Variants in CDH13 observed in about 807,000 individuals in gnomAD.
CDH13 encodes cadherin 13.
Under a neutral mutation model 63.8 loss-of-function variants are expected in CDH13, and 24 were observed. The observed-to-expected ratio is 0.38, with a 90% confidence interval of 0.27 to 0.53. The LOEUF is 0.53. Among genes scored for constraint, CDH13 ranks in the 20% least tolerant of loss-of-function variants. The pLI is 0.85. For missense variants in CDH13, 1,049 were observed against 903.1 expected, an observed-to-expected ratio of 1.16 and a Z score of -2.07; for synonymous variants, 503 against 355.3, an observed-to-expected ratio of 1.42 and a Z score of -4.67.
chr16:83,668,497 C>T (rs376534469), intron 8 of CDH13, among the ~76,000 whole-genome samples: 5 of 152,294 alleles, frequency 3.3e-5, no homozygotes, highest in Admixed American at 2.6e-4. Flanking sequence ...CATTTCATGC[C>T]CACATGATTG....
At position 82,782,753 on chromosome 16, in the gene CDH13, C is replaced by T. The variant is rs542967057; in HGVS notation, c.46-75609C>T. 3.3e-5 allele frequency among the ~76,000 whole-genome samples: 5 copies of T among 152,220 alleles called. No homozygotes were observed. The South Asian group carries it at 8.3e-4, about 25-fold the overall frequency. On this transcript the variant is annotated intron_variant, in intron 1 of 13. Transcript: ENST00000567109. The stretch of plus-strand genomic sequence containing the variant: ...TCACGACCAAGCACATGCTGGAATC[C>T]GGCCTTCTGTCTGCCTTACTCCCGC...
intron 6 of CDH13, among the ~76,000 whole-genome samples, chr16:83,353,317 G>C (rs534589381): frequency 2.0e-5 from 3 of 152,306 alleles, no homozygotes; most frequent in African/African-American, 7.2e-5. Flanking sequence ...CAAGACAGTC[G>C]GCTCCCTTGT....
chr16:83,273,574 C>T (rs921246318), intron 5 of CDH13, among the ~76,000 whole-genome samples: 1 of 152,112 alleles, frequency 6.6e-6, no homozygotes, highest in Admixed American at 6.5e-5. Context: ...TTCATGGCAA[C>T]ATGGATGGAG....
intron 3 of CDH13, among the ~76,000 whole-genome samples, chr16:83,097,906 A>T (rs902476915): frequency 1.3e-5 from 2 of 152,176 alleles, no homozygotes; most frequent in African/African-American, 4.8e-5. Context: ...CTTCTTACAA[A>T]AAATATCCAC....
At chr16:83,255,955 A>G (rs954675435) in intron 5 of CDH13, among the ~76,000 whole-genome samples, 2 of 152,180 alleles carry the variant, frequency 1.3e-5, no homozygotes, top group African/African-American at 4.8e-5. Flanking sequence ...TTATGGTCAA[A>G]TCTAAGAAGA....
chr16:83,030,511 C>T (rs1240496786), intron 2 of CDH13, among the ~76,000 whole-genome samples: 2 of 151,878 alleles, frequency 1.3e-5, no homozygotes, highest in Admixed American at 6.6e-5. Flanking sequence ...GGCATGATGG[C>T]ATGCATCTGT....
chr16:83,193,929 A>G (rs1170225285), intron 4 of CDH13, among the ~76,000 whole-genome samples: 1 of 152,212 alleles, frequency 6.6e-6, no homozygotes, highest in Non-Finnish European at 1.5e-5. Flanking sequence ...CCCAAAGCAG[A>G]CACTTAACTA....
intron 2 of CDH13, among the ~76,000 whole-genome samples, chr16:82,921,007 C>G (rs991257483): frequency 6.6e-6 from 1 of 152,056 alleles, no homozygotes; most frequent in African/African-American, 2.4e-5. Context: ...TTTTTGTCCT[C>G]TAGTCTATTA....
intron 2 of CDH13, among the ~76,000 whole-genome samples, chr16:82,979,817 A>T (rs559220017): frequency 6.6e-6 from 1 of 152,304 alleles, no homozygotes; most frequent in South Asian, 2.1e-4. Context: ...ATCAGAACAG[A>T]TTATCACTAA....
intron 1 of CDH13, among the ~76,000 whole-genome samples, chr16:82,849,814 T>C (rs1424618937): frequency 6.6e-6 from 1 of 152,208 alleles, no homozygotes; most frequent in Non-Finnish European, 1.5e-5. Flanking sequence ...GTGCTGAATC[T>C]ACTCTGCGTG....
intron 1 of CDH13, among the ~76,000 whole-genome samples, chr16:82,844,934 C>G (rs529285416): frequency 1.3e-5 from 2 of 151,912 alleles, no homozygotes; most frequent in African/African-American, 2.4e-5. Flanking sequence ...GGATTACAGG[C>G]GTGAGGCACC....
Position 82,660,410 on chromosome 16 carries a change from C to G in CDH13, c.45+33273C>G, listed in dbSNP as rs188917272. Among the ~76,000 whole-genome samples, 12 of 151,690 alleles carry G rather than the reference C, an allele frequency of 7.9e-5. No individual in the cohort carries two copies. The East Asian group carries it at 2.1e-3, about 27-fold the overall frequency. ...TCAAAACAGCCATCTGCTGAAACCA[C>G]CCACTATGGGCGTTCCTGTGCCTGC... On this transcript the variant is annotated intron_variant, in intron 1 of 13. Transcript: ENST00000567109.
At chr16:82,751,507 A>G (rs904343930) in intron 1 of CDH13, among the ~76,000 whole-genome samples, 1 of 152,068 alleles carries the variant, frequency 6.6e-6, no homozygotes. Flanking sequence ...CATTGCAACT[A>G]GCATGGACCA....
chr16:82,753,908 C>G (rs1349821321), intron 1 of CDH13, among the ~76,000 whole-genome samples: 1 of 152,152 alleles, frequency 6.6e-6, no homozygotes. Context: ...TGTTAAAGTT[C>G]CATGAACTAT....
chr16:83,269,672 G>C (rs1221654774), intron 5 of CDH13, among the ~76,000 whole-genome samples: 1 of 152,118 alleles, frequency 6.6e-6, no homozygotes, highest in African/African-American at 2.4e-5. Flanking sequence ...TTCACACACT[G>C]ACCATCTCTG....
intron 6 of CDH13, among the ~76,000 whole-genome samples, chr16:83,447,968 T>G (rs1476029618): frequency 6.6e-6 from 1 of 152,026 alleles, no homozygotes; most frequent in Non-Finnish European, 1.5e-5. Flanking sequence ...GGAAAAAGAT[T>G]GCTCTGGGAG....
At chr16:82,966,233 C>A (rs1597316199) in intron 2 of CDH13, among the ~76,000 whole-genome samples, 1 of 152,222 alleles carries the variant, frequency 6.6e-6, no homozygotes, top group African/African-American at 2.4e-5. Context: ...ATGGCAACCT[C>A]CGCCTCCCGG....
intron 1 of CDH13, among the ~76,000 whole-genome samples, chr16:82,677,970 C>T (rs1297442408): frequency 1.3e-5 from 2 of 152,108 alleles, no homozygotes; most frequent in East Asian, 1.9e-4. Flanking sequence ...AGATATGATC[C>T]AGAAAATCTA....
intron 5 of CDH13, among the ~76,000 whole-genome samples, chr16:83,233,168 A>G (rs191127446): frequency 6.6e-6 from 1 of 152,284 alleles, no homozygotes; most frequent in African/African-American, 2.4e-5. Flanking sequence ...AAATGTGCAA[A>G]TATACGAGAC....
Sources: allele counts gnomAD v4.1 joint callset (sites outside exome capture counted in the v4.1 genomes callset), GRCh38; gene constraint gnomAD v4.1.1; transcripts MANE v1.5; gene names NCBI Gene and HGNC (gene_info 2026-07-23, HGNC 2026-07-21).